SUCO: variants seen among roughly 807,000 people sequenced by gnomAD.
The protein encoded by SUCO is SUN domain containing ossification factor.
SUCO carries 57 observed loss-of-function variants against 148.1 expected under a neutral mutation model. The ratio of observed to expected loss-of-function variants is 0.38; its 90% CI spans 0.31 to 0.48. SUCO has a LOEUF of 0.48. Among genes scored for constraint, SUCO ranks in the 20% least tolerant of loss-of-function variants. The pLI is 0.96. For synonymous variants in SUCO, 470 were observed against 502.7 expected (o/e 0.93, Z 0.87); for missense variants, 1,331 against 1,468.2 (o/e 0.91, Z 1.53).
chr1:172,605,628 T>G (rs1214911297), intron 22 of SUCO, among the ~76,000 whole-genome samples: 2 of 151,880 alleles, frequency 1.3e-5, no homozygotes, highest in Non-Finnish European at 3.0e-5. Flanking sequence ...AAAATTATTT[T>G]CCTTATTTGA....
At position 172,539,066 on chromosome 1, in the gene SUCO, T is replaced by C. The variant is rs79871303; in HGVS notation, c.62+5569T>C. Among the ~76,000 whole-genome samples the C allele has an allele frequency of 1.8e-3, 276 of 152,370 alleles. 4 individuals are homozygous for C. The East Asian group carries it at 0.047, about 26-fold the overall frequency. ...TAAAAGGTATCAGCTCTTTTGAGTA[T>C]TGGTTATTTCATTTTTCGTTTGTTC... is the stretch of plus-strand genomic sequence containing the variant. On this transcript the variant is annotated intron_variant, in intron 1 of 23. Coordinates refer to ENST00000263688, the MANE Select transcript of SUCO (RefSeq NM_014283.5).
chr1:172,543,468 A>G (rs1453745542), intron 1 of SUCO, among the ~76,000 whole-genome samples: 1 of 152,170 alleles, frequency 6.6e-6, no homozygotes, highest in African/African-American at 2.4e-5. Context: ...TTAGAGGACA[A>G]ATTGTATTGG....
At chr1:172,569,891 TTTTTTTATGAA>T (rs1654823422) in intron 7 of SUCO, 145 bp from the exon 8 acceptor site, 3 of 494,408 alleles carry the variant, frequency 6.1e-6, no homozygotes, top group Non-Finnish European at 7.9e-6. Flanking sequence ...AGCACTTTGA[TTTTTTTATGAA>T]TTTTTAAAAT....
At chr1:172,580,391 T>C (rs2149253999) in intron 15 of SUCO, among the ~76,000 whole-genome samples, 1 of 152,336 alleles carries the variant, frequency 6.6e-6, no homozygotes, top group South Asian at 2.1e-4. Flanking sequence ...TCTGACTTTC[T>C]AGATATTAGT....
In SUCO at chr1:172,545,533, T is replaced by C. The variant is rs948463865; in HGVS notation, c.63-5979T>C. The stretch of plus-strand genomic sequence containing the variant: ...GTAATTTGACAAGTCAAAGAGGAGA[T>C]GGTTTAAGTTAAAACAGCAGTCAGA... On this transcript the variant is annotated intron_variant, in intron 1 of 23. Coordinates refer to ENST00000263688, the MANE Select transcript of SUCO (RefSeq NM_014283.5). 3.3e-5 allele frequency among the ~76,000 whole-genome samples: 5 copies of C among 152,148 alleles called. No individual in the cohort carries two copies. The Middle Eastern group carries it at 0.01, about 311-fold the overall frequency.
chr1:172,575,456 T>G (rs1269005555), intron 10 of SUCO, 62 bp from the exon 11 acceptor site: 2 of 1,204,274 alleles, frequency 1.7e-6, no homozygotes, highest in Non-Finnish European at 2.4e-6. Flanking sequence ...GAAAATATGA[T>G]AGAACCTTTC....
rs764196099 is a variant in SUCO at position 172,557,627 on chromosome 1, C to G, written c.582-17C>G. On this transcript the variant is annotated splice_polypyrimidine_tract_variant and intron_variant, in intron 5 of 23. Transcript: ENST00000263688. ...AGTAAAATCTGTTTATTTAATATAT[C>G]TTTTGGTTTTAAACAGCCTTGTTGG... 8.9e-5 allele frequency: 139 copies of G among 1,569,330 alleles called. No individual in the cohort carries two copies. Among genetic ancestry groups the G allele is most frequent in the Non-Finnish European group, 8.7e-5 (101 of 1,162,132 alleles).
chr1:172,607,141 T>A (rs1657913451), intron 22 of SUCO, among the ~76,000 whole-genome samples: 1 of 151,978 alleles, frequency 6.6e-6, no homozygotes. Context: ...TCTAATATCT[T>A]AAATTTTTGT....
rs1657396787 is a variant in SUCO, at chr1:172,600,060, A to G, written c.2914-4A>G. 4 of 1,582,214 alleles carry G rather than the reference A, an allele frequency of 2.5e-6. No homozygotes were observed. The African/African-American group carries it at 5.5e-5, about 22-fold the overall frequency. On this transcript the variant is annotated splice_region_variant and splice_polypyrimidine_tract_variant and intron_variant, in intron 19 of 23. Coordinates refer to ENST00000263688, the MANE Select transcript of SUCO (RefSeq NM_014283.5). ...TCAAAAAAAAATAAATTCCTTTATCATAGGATCAGCGGCAAACTGAAGCCA... is the reference window on the plus strand; with the variant it reads ...TCAAAAAAAAATAAATTCCTTTATCGTAGGATCAGCGGCAAACTGAAGCCA...
At chr1:172,555,080 T>C (rs1653628048) in intron 3 of SUCO, among the ~76,000 whole-genome samples, 1 of 152,208 alleles carries the variant, frequency 6.6e-6, no homozygotes, top group Non-Finnish European at 1.5e-5. Context: ...TATTCATTTA[T>C]TGAGCATTTA....
At chr1:172,582,995 T>C (rs867550542) in intron 15 of SUCO, among the ~76,000 whole-genome samples, 6 of 152,282 alleles carry the variant, frequency 3.9e-5, no homozygotes, top group Middle Eastern at 3.4e-3. Context: ...TGTCAAAAAA[T>C]TCGAAATCTC....
Position 172,610,266 on chromosome 1 carries a change from T to C in SUCO, c.*7T>C, listed in dbSNP as rs2149276498. The stretch of plus-strand genomic sequence containing the variant: ...AGTCTCGGGACATATCTAAAATTAA[T>C]TGAACTTTTCATACAGAAGACTTTT... On this transcript the variant is annotated 3_prime_UTR_variant, in exon 24 of 24. Transcript: ENST00000263688. 6.4e-7 allele frequency: 1 copy of C among 1,567,324 alleles called. No individual in the cohort carries two copies. The highest frequency in any genetic ancestry group is 1.2e-5 in the South Asian group (1 of 83,074).
At chr1:172,601,389 C>T (rs367816500) in intron 20 of SUCO, among the ~76,000 whole-genome samples, 2 of 151,528 alleles carry the variant, frequency 1.3e-5, no homozygotes, top group African/African-American at 4.9e-5. Flanking sequence ...AACTTGGGAG[C>T]TTGGGAGGCC....
chr1:172,537,010 T>C (rs1652073087), intron 1 of SUCO, among the ~76,000 whole-genome samples: 1 of 152,176 alleles, frequency 6.6e-6, no homozygotes, highest in Non-Finnish European at 1.5e-5. Flanking sequence ...TAAGGTAACA[T>C]ATTTAGGGAT....
intron 1 of SUCO, among the ~76,000 whole-genome samples, chr1:172,541,525 G>A (rs950272636): frequency 3.3e-5 from 5 of 152,206 alleles, no homozygotes; most frequent in African/African-American, 1.2e-4. Flanking sequence ...CTTGGCAGTA[G>A]AAATAAAGAA....
chr1:172,576,995 G>T (rs1655493734), intron 11 of SUCO: 1 of 720,950 alleles, frequency 1.4e-6, no homozygotes, highest in Non-Finnish European at 1.7e-6. Flanking sequence ...TCTGTAAGTT[G>T]TACTTGAAAT....
At position 172,569,296 on chromosome 1, in the gene SUCO, C is replaced by A. The variant is rs946905309; in HGVS notation, c.856+154C>A. 4 of 739,618 alleles carry A rather than the reference C, an allele frequency of 5.4e-6. No individual in the cohort carries two copies. In the East Asian group the frequency reaches 3.9e-4, roughly 72 times the overall value. 45.8% of individuals were successfully genotyped at this position (739,618 alleles called of 1,614,324 possible). A position where few individuals can be genotyped will look rare whatever the true frequency, so the allele number is the denominator to read the frequency against. On this transcript the variant is annotated intron_variant, in intron 7 of 23. Coordinates refer to ENST00000263688, the MANE Select transcript of SUCO (RefSeq NM_014283.5). ...CCAAGTTGCTGTTGATCCATCCATC[C>A]ATCATGTACCTGTATATAATTACAT...
At position 172,579,088 on chromosome 1, in the gene SUCO, T is replaced by C. The variant is rs968609049; in HGVS notation, c.1433-114T>C. On this transcript the variant is annotated intron_variant, in intron 14 of 23. Transcript: ENST00000263688. ...GTTTTAGATATATGATTCATATTTA[T>C]CATAAAATGTTTTAAATGTCAGCTG... 65 of 632,288 alleles carry C rather than the reference T, an allele frequency of 1.0e-4. No homozygotes were observed. In the South Asian group the frequency reaches 1.2e-3, roughly 12 times the overall value. The allele number at this position is 632,288 out of a possible 1,614,324, so 39.2% of individuals were successfully genotyped here.
At chr1:172,609,400 C>G (rs2301450) in intron 23 of SUCO, 73 of 955,330 alleles carry the variant, frequency 7.6e-5, no homozygotes, top group Non-Finnish European at 9.1e-5. Context: ...AACCCGGCTG[C>G]TTACTACATT....
Sources: allele counts gnomAD v4.1 joint callset (sites outside exome capture counted in the v4.1 genomes callset), GRCh38; gene constraint gnomAD v4.1.1; transcripts MANE v1.5; gene names NCBI Gene and HGNC (gene_info 2026-07-23, HGNC 2026-07-21).